The following UGGT2 variants were observed in gnomAD, a reference collection of about 807,000 sequenced individuals.
The protein encoded by UGGT2 is UDP-glucose glycoprotein glucosyltransferase 2, also known as UDP-glucose:glycoprotein glucosyltransferase 2.
In UGGT2, 180 loss-of-function variants were observed where a neutral mutation model predicts 192.1. That is an observed-to-expected ratio of 0.94 (90% confidence interval 0.83 to 1.06). UGGT2 has a LOEUF of 1.06. UGGT2 is among the 50% of genes least tolerant of loss of function. UGGT2 has a pLI of 0.00. For missense variants in UGGT2, 1,849 were observed against 1,795.7 expected (o/e 1.03, Z -0.54); for synonymous variants, 580 against 591.0 (o/e 0.98, Z 0.27).
chr13:95,873,149 G>A (rs916870137), intron 29 of UGGT2, among the ~76,000 whole-genome samples: 3 of 152,120 alleles, frequency 2.0e-5, no homozygotes, highest in African/African-American at 7.2e-5. Context: ...CTGAATTCCT[G>A]GCAAAGCAGT....
At chr13:95,946,132 C>T (rs1241711256) in intron 15 of UGGT2, among the ~76,000 whole-genome samples, 1 of 152,058 alleles carries the variant, frequency 6.6e-6, no homozygotes, top group Non-Finnish European at 1.5e-5. Flanking sequence ...TATATATTTC[C>T]ACAATGATCC....
At position 95,947,105 on chromosome 13, in the gene UGGT2, G is replaced by A; in HGVS notation, c.1609C>T (p.Leu537Phe). 6.2e-7 allele frequency: 1 copy of A among 1,611,870 alleles called. No homozygotes were observed. The change falls in exon 15 of 39, where the codon CTC becomes TTC. Residue 537 changes from leucine to phenylalanine, a missense_variant. Transcript: ENST00000376747. ...GCAATATAGTTGAAAGCTCGCCAGA[G>A]AGCAACTCCAGCATCATTTGCTCCA... ...VDGANDAGVALWRAFNYIAEE... is the reference protein window; with the variant it reads ...VDGANDAGVAFWRAFNYIAEE...
At chr13:95,848,831 G>A (rs1888734864) in intron 36 of UGGT2, among the ~76,000 whole-genome samples, 2 of 152,120 alleles carry the variant, frequency 1.3e-5, no homozygotes, top group Non-Finnish European at 2.9e-5. Flanking sequence ...ACTTTGATTG[G>A]AATTGTGTGG....
At chr13:96,019,810 G>A (rs570244310) in intron 4 of UGGT2, among the ~76,000 whole-genome samples, 11 of 152,280 alleles carry the variant, frequency 7.2e-5, no homozygotes, top group South Asian at 6.2e-4. Context: ...AGAGGATGAC[G>A]GCCTTGAGTT....
At chr13:96,032,893 T>C (rs562726635) in intron 1 of UGGT2, among the ~76,000 whole-genome samples, 1 of 152,270 alleles carries the variant, frequency 6.6e-6, no homozygotes, top group East Asian at 1.9e-4. Context: ...ACGACAAGCA[T>C]AGGAATTTAG....
At chr13:96,007,134 T>C (rs1227301833) in intron 5 of UGGT2, among the ~76,000 whole-genome samples, 1 of 152,160 alleles carries the variant, frequency 6.6e-6, no homozygotes, top group African/African-American at 2.4e-5. Flanking sequence ...ACAGGATAGT[T>C]CAATATACAC....
At chr13:95,940,745 A>C (rs2049649447) in intron 15 of UGGT2, among the ~76,000 whole-genome samples, 2 of 150,886 alleles carry the variant, frequency 1.3e-5, no homozygotes, top group South Asian at 4.2e-4. Context: ...ACTTGCCACC[A>C]CATCTGGATA....
In UGGT2 at chr13:95,849,249, T is replaced by A. The variant is rs190891302; in HGVS notation, c.4284+4294A>T. Reference sequence around the variant, plus strand: ...TTTTAATATACTTAAAAAAAATTTATCTTATGGCCAGGCACAGTGGTTCAC... The same window carrying A: ...TTTTAATATACTTAAAAAAAATTTAACTTATGGCCAGGCACAGTGGTTCAC... On this transcript the variant is annotated intron_variant, in intron 36 of 38. Transcript: ENST00000376747. Among the ~76,000 whole-genome samples, 27 of 152,184 alleles carry A rather than the reference T, an allele frequency of 1.8e-4. 1 individual carries two copies. Among genetic ancestry groups the A allele is most frequent in the Admixed American group, 1.2e-3 (19 of 15,284 alleles).
At chr13:95,956,546 G>A (rs2050216795) in intron 12 of UGGT2, among the ~76,000 whole-genome samples, 1 of 152,134 alleles carries the variant, frequency 6.6e-6, no homozygotes, top group Admixed American at 6.5e-5. Context: ...ATGGCCAACA[G>A]GTATTATGAA....
rs9525075 is a variant in UGGT2 at position 95,887,887 on chromosome 13, T to C, written c.3038+5A>G. On this transcript the variant is annotated splice_donor_5th_base_variant and intron_variant, in intron 26 of 38. Coordinates refer to ENST00000376747, the MANE Select transcript of UGGT2 (RefSeq NM_020121.4). ...CAAAATGAAATTTTGTTCACTCAGATTTACCTTTCTAAAGGGGCTTCTGAA... is the reference window on the plus strand; with the variant it reads ...CAAAATGAAATTTTGTTCACTCAGACTTACCTTTCTAAAGGGGCTTCTGAA... The C allele has an allele frequency of 0.99, 1,563,476 of 1,571,774 alleles. 777,969 individuals carry two copies. Among genetic ancestry groups the C allele is most frequent in the East Asian group, 1 (44,318 of 44,318 alleles).
intron 36 of UGGT2, among the ~76,000 whole-genome samples, chr13:95,839,793 T>C (rs1366857816): frequency 6.6e-6 from 1 of 152,196 alleles, no homozygotes; most frequent in East Asian, 1.9e-4. Context: ...CCTTGTCCAC[T>C]CTTGTTATTG....
At chr13:95,823,674 A>G (rs1040121941) in intron 38 of UGGT2, among the ~76,000 whole-genome samples, 1 of 152,066 alleles carries the variant, frequency 6.6e-6, no homozygotes, top group African/African-American at 2.4e-5. Flanking sequence ...AGTCTCCTGA[A>G]GAAAGCAGAT....
chr13:95,903,480 TG>T (rs1455231127), intron 20 of UGGT2, among the ~76,000 whole-genome samples: 1 of 152,184 alleles, frequency 6.6e-6, no homozygotes, highest in Admixed American at 6.5e-5. Context: ...ACCACTCTCT[TG>T]TCATTTATGG....
At chr13:95,855,648 A>G (rs1460688951) in intron 34 of UGGT2, among the ~76,000 whole-genome samples, 1 of 152,008 alleles carries the variant, frequency 6.6e-6, no homozygotes, top group Non-Finnish European at 1.5e-5. Flanking sequence ...CTCAGCCTCC[A>G]AAAGTGCTGA....
At chr13:95,909,966 C>T (rs1195085197) in intron 20 of UGGT2, among the ~76,000 whole-genome samples, 1 of 151,994 alleles carries the variant, frequency 6.6e-6, no homozygotes, top group Non-Finnish European at 1.5e-5. Flanking sequence ...AATTTTCAGC[C>T]CAGAATTTAA....
At chr13:95,902,732 A>G (rs2048143793) in intron 21 of UGGT2, 122 bp downstream of exon 21, 4 of 943,856 alleles carry the variant, frequency 4.2e-6, no homozygotes, top group Non-Finnish European at 6.2e-6. Flanking sequence ...TTTGAAAAGG[A>G]ATGTTTATTA....
intron 2 of UGGT2, among the ~76,000 whole-genome samples, chr13:96,027,558 T>C (rs981712891): frequency 6.6e-6 from 1 of 152,112 alleles, no homozygotes; most frequent in African/African-American, 2.4e-5. Context: ...ATCACTCTTA[T>C]TAAAAAAAAT....
chr13:95,842,805 G>A (rs890122938), intron 36 of UGGT2, among the ~76,000 whole-genome samples: 1 of 152,202 alleles, frequency 6.6e-6, no homozygotes, highest in Non-Finnish European at 1.5e-5. Context: ...AGCTCTTGAA[G>A]AATAAACCCT....
intron 4 of UGGT2, among the ~76,000 whole-genome samples, chr13:96,017,732 C>G (rs2052382743): frequency 1.3e-5 from 2 of 152,126 alleles, no homozygotes; most frequent in Non-Finnish European, 2.9e-5. Flanking sequence ...ATATACTAAA[C>G]TGTTAGCAGA....
Sources: gnomAD v4.1 joint callset for allele counts (sites outside exome capture counted in the v4.1 genomes callset) on GRCh38, gnomAD v4.1.1 for gene constraint, MANE v1.5 for transcripts, NCBI Gene and HGNC (gene_info 2026-07-23, HGNC 2026-07-21) for gene names.